Variants in ZC4H2 observed in about 807,000 individuals in gnomAD.
The protein encoded by ZC4H2 is zinc finger C4H2 domain-containing protein.
For synonymous variants in ZC4H2, 84 were observed against 66.3 expected, an observed-to-expected ratio of 1.27 and a Z score of -1.30; for missense variants, 137 against 173.9, an observed-to-expected ratio of 0.79 and a Z score of 1.19.
intron 1 of ZC4H2, among the ~76,000 whole-genome samples, chrX:64,966,861 T>A (rs183404420): frequency 2.8e-3 from 312 of 112,013 alleles, no homozygotes; most frequent in African/African-American, 9.2e-3. Flanking sequence ...TTTTCTAAAA[T>A]ATTATGGTGA....
intron 1 of ZC4H2, among the ~76,000 whole-genome samples, chrX:64,970,739 G>A (rs1362022039): frequency 8.9e-6 from 1 of 111,916 alleles, no homozygotes. Flanking sequence ...GCTTGGAATG[G>A]GAGAGTGGCA....
intron 3 of ZC4H2, chrX:64,919,747 C>T (rs1036979347): frequency 5.0e-6 from 1 of 199,758 alleles, no homozygotes; most frequent in Non-Finnish European, 9.2e-6. Context: ...CTTCTAGACC[C>T]TGACTTGGGA....
chrX:64,919,182 C>T lies in ZC4H2; in HGVS notation c.421G>A (p.Glu141Lys), dbSNP rs781151806. Reference protein sequence around the residue: ...SLDYFEKQKAEWQTEPQEPPI... With the variant: ...SLDYFEKQKAKWQTEPQEPPI... Reference sequence around the variant, plus strand: ...GGCTCCTGAGGTTCTGTCTGCCATTCTGCTTTCTGCTTCTCAAAGTAACTT... The same window carrying T: ...GGCTCCTGAGGTTCTGTCTGCCATTTTGCTTTCTGCTTCTCAAAGTAACTT... Residue 141 changes from glutamate to lysine, a missense_variant, in exon 4 of 5, where the codon GAA (glutamate) becomes AAA (lysine). Physicochemically the swap from Glu to Lys is moderately conservative, Grantham distance 56. Coordinates refer to ENST00000374839, the MANE Select transcript of ZC4H2 (RefSeq NM_018684.4). The T allele has an allele frequency of 2.5e-6, 3 of 1,211,278 alleles. No individual in the cohort carries two copies. In the East Asian group the frequency reaches 8.9e-5, roughly 36 times the overall value.
At chrX:64,942,598 T>G (rs990938264) in intron 1 of ZC4H2, among the ~76,000 whole-genome samples, 1 of 109,565 alleles carries the variant, frequency 9.1e-6, no homozygotes, top group African/African-American at 3.3e-5. Flanking sequence ...TTTCTGTTCC[T>G]GTGTTAGTTT....
At chrX:65,030,609 A>T (rs1392102138) in intron 1 of ZC4H2, among the ~76,000 whole-genome samples, 1 of 111,738 alleles carries the variant, frequency 8.9e-6, no homozygotes, top group East Asian at 2.8e-4. Context: ...GCACTGTCTA[A>T]TATTTGTACT....
intron 1 of ZC4H2, among the ~76,000 whole-genome samples, chrX:65,023,041 A>G (rs1932848952): frequency 8.9e-6 from 1 of 111,792 alleles, no homozygotes; most frequent in Non-Finnish European, 1.9e-5. Context: ...TACCAGTACC[A>G]TCCTGTTTTG....
intron 1 of ZC4H2, among the ~76,000 whole-genome samples, chrX:64,932,554 T>C (rs1223354758): frequency 9.0e-6 from 1 of 111,558 alleles, no homozygotes; most frequent in Non-Finnish European, 1.9e-5. Flanking sequence ...GTAGTGCTTG[T>C]TTGGGGGTGG....
In ZC4H2 at chrX:65,019,031, C is replaced by G. The variant is rs765575695; in HGVS notation, c.-272+15598G>C. Among the ~76,000 whole-genome samples, 27 of 111,875 alleles carry G rather than the reference C, an allele frequency of 2.4e-4. 1 individual carries two copies. The highest frequency in any genetic ancestry group is 4.7e-4 in the Admixed American group (5 of 10,586). On this transcript the variant is annotated intron_variant, in intron 1 of 4. Transcript: ENST00000337990. Reference sequence around the variant, plus strand: ...CATCTCTGAAAAAAAGGCAGCAGCCCCAGTCAGGGGCTTATAGATAAAACC... The same window carrying G: ...CATCTCTGAAAAAAAGGCAGCAGCCGCAGTCAGGGGCTTATAGATAAAACC...
At chrX:64,947,122 C>T (rs942862261) in intron 1 of ZC4H2, among the ~76,000 whole-genome samples, 1 of 111,904 alleles carries the variant, frequency 8.9e-6, no homozygotes, top group Admixed American at 9.5e-5. Flanking sequence ...GTTTAGTGTC[C>T]AAGCGTGTGT....
At chrX:64,937,353 C>A (rs979870866) in intron 1 of ZC4H2, among the ~76,000 whole-genome samples, 7 of 111,054 alleles carry the variant, frequency 6.3e-5, no homozygotes, top group Admixed American at 1.9e-4. Flanking sequence ...CTTTAACACC[C>A]CACTGTCAAT....
intron 1 of ZC4H2, among the ~76,000 whole-genome samples, chrX:64,981,984 C>T (rs1476346235): frequency 1.8e-5 from 2 of 111,362 alleles, no homozygotes; most frequent in Non-Finnish European, 3.8e-5. Flanking sequence ...TTCTCACCTA[C>T]CCAATGTCAC....
intron 1 of ZC4H2, among the ~76,000 whole-genome samples, chrX:65,024,904 C>T (rs928966486): frequency 2.3e-4 from 25 of 111,046 alleles, no homozygotes; most frequent in African/African-American, 5.9e-4. Context: ...GGGGAGAAAA[C>T]GAGAGGGGCT....
intron 1 of ZC4H2, among the ~76,000 whole-genome samples, chrX:64,954,318 T>TTATATA (rs35605122): frequency 1.6e-5 from 1 of 62,614 alleles, no homozygotes; most frequent in Non-Finnish European, 2.4e-5. Context: ...TAAAGTATAA[T>TTATATA]TATATATATA....
At chrX:64,956,596 C>A (rs779290940) in intron 1 of ZC4H2, among the ~76,000 whole-genome samples, 1 of 111,419 alleles carries the variant, frequency 9.0e-6, no homozygotes, top group Non-Finnish European at 1.9e-5. Context: ...ACACCCTCAC[C>A]TAAGTAAGAA....
chrX:64,934,869 C>T (rs762781572), intron 1 of ZC4H2, among the ~76,000 whole-genome samples: 1 of 111,970 alleles, frequency 8.9e-6, no homozygotes, highest in African/African-American at 3.2e-5. Flanking sequence ...GCCTACACCA[C>T]CAGGACCCTG....
chrX:64,988,455 T>C (rs1400717378), intron 1 of ZC4H2, among the ~76,000 whole-genome samples: 1 of 111,889 alleles, frequency 8.9e-6, no homozygotes, highest in Non-Finnish European at 1.9e-5. Context: ...TATCTCATTG[T>C]GGTTTTGATT....
intron 1 of ZC4H2, among the ~76,000 whole-genome samples, chrX:64,925,124 C>T (rs768330527): frequency 1.8e-5 from 2 of 111,700 alleles, no homozygotes; most frequent in South Asian, 7.5e-4. Context: ...CCTTCTTTCT[C>T]CACTCTGCCC....
intron 1 of ZC4H2, among the ~76,000 whole-genome samples, chrX:64,969,686 T>C (rs942217524): frequency 1.8e-5 from 2 of 111,819 alleles, no homozygotes; most frequent in Non-Finnish European, 3.8e-5. Context: ...TCAGAGACCC[T>C]GGAAATGGGG....
In ZC4H2 at chrX:65,019,506, C is replaced by T. The variant is rs757604284; in HGVS notation, c.-272+15123G>A. 1.5e-3 allele frequency among the ~76,000 whole-genome samples: 165 copies of T among 111,994 alleles called. 1 individual carries two copies. Among genetic ancestry groups the T allele is most frequent in the Non-Finnish European group, 2.5e-3 (133 of 53,170 alleles). On this transcript the variant is annotated intron_variant, in intron 1 of 4. Transcript: ENST00000337990. ...ATAGCATCAACATCAACAAAAAGGACGTCCACTCAGAGACCCAATCCAAAG... is the reference window on the plus strand; with the variant it reads ...ATAGCATCAACATCAACAAAAAGGATGTCCACTCAGAGACCCAATCCAAAG...
Sources: allele counts gnomAD v4.1 joint callset (sites outside exome capture counted in the v4.1 genomes callset), GRCh38; gene constraint gnomAD v4.1.1; transcripts MANE v1.5; gene names NCBI Gene and HGNC (gene_info 2026-07-23, HGNC 2026-07-21).